ARSG: variants seen among roughly 807,000 people sequenced by gnomAD.
ARSG encodes the protein arylsulfatase G.
Under a neutral mutation model 50.5 loss-of-function variants are expected in ARSG, and 37 were observed. The observed-to-expected ratio is 0.73, with a 90% CI of 0.56 to 0.96. The LOEUF (loss-of-function observed/expected upper bound fraction) is 0.96, where lower values mean the gene tolerates loss of function less well. Ranked by LOEUF, ARSG falls within the 50% of genes least tolerant of loss-of-function variation. ARSG has a pLI of 0.00. For synonymous variants in ARSG, 225 were observed against 254.6 expected (o/e 0.88, Z 1.11); for missense variants, 629 against 675.3 (o/e 0.93, Z 0.76).
intron 8 of ARSG, among the ~76,000 whole-genome samples, chr17:68,377,702 C>T (rs1237075141): frequency 6.6e-6 from 1 of 152,190 alleles, no homozygotes; most frequent in Non-Finnish European, 1.5e-5. Flanking sequence ...TTGGCAAACA[C>T]CCTGAAAAAG....
intron 9 of ARSG, among the ~76,000 whole-genome samples, chr17:68,392,433 GTGT>G (rs1347774442): frequency 1.7e-4 from 26 of 152,260 alleles, no homozygotes; most frequent in African/African-American, 4.8e-4. Flanking sequence ...GACTAAGTGT[GTGT>G]TGTTCTCTCT....
the ARSG span, chr17:68,450,756 T>C: frequency 5.8e-5 from 94 of 1,613,210 alleles, no homozygotes; most frequent in Non-Finnish European, 7.4e-5. Flanking sequence ...GGACAAGATG[T>C]TGCTGGAGTA....
At position 68,314,192 on chromosome 17, in the gene ARSG, A is replaced by G. The variant is rs551777760; in HGVS notation, c.218+6481A>G. 5.7e-4 allele frequency among the ~76,000 whole-genome samples: 87 copies of G among 152,174 alleles called. 1 individual carries two copies. The highest frequency in any genetic ancestry group is 1.5e-3 in the South Asian group (7 of 4,810). On this transcript the variant is annotated intron_variant, in intron 2 of 11. Transcript: ENST00000621439. ...CTTTCCTCTTCTGTAAGTGGGGACAATGATAGCACCTCTACCTCACAGGAT... is the reference window on the plus strand; with the variant it reads ...CTTTCCTCTTCTGTAAGTGGGGACAGTGATAGCACCTCTACCTCACAGGAT...
the ARSG span, among the ~76,000 whole-genome samples, chr17:68,443,205 G>A: frequency 0.019 from 2,955 of 152,166 alleles, 107 homozygotes; most frequent in African/African-American, 0.067. Flanking sequence ...CCGCCTCCTG[G>A]GTTCAAGTAA....
intron 8 of ARSG, among the ~76,000 whole-genome samples, chr17:68,383,855 C>A (rs1259878493): frequency 6.6e-6 from 1 of 152,200 alleles, no homozygotes; most frequent in Non-Finnish European, 1.5e-5. Context: ...TTAGATTTTT[C>A]AACCCCACAC....
At chr17:68,412,259 C>T (rs1353766276) in intron 11 of ARSG, among the ~76,000 whole-genome samples, 74 of 151,402 alleles carry the variant, frequency 4.9e-4, no homozygotes, top group African/African-American at 1.6e-3. Context: ...TGGCTGGTAC[C>T]GGTTGTTCCT....
intron 2 of ARSG, among the ~76,000 whole-genome samples, chr17:68,313,669 A>G (rs750936888): frequency 1.5e-5 from 2 of 135,200 alleles, no homozygotes; most frequent in African/African-American, 2.7e-5. Context: ...TGTATTACGT[A>G]TCTCTCTCTC....
At chr17:68,296,108 TATTTAAATCACATTAC>T (rs2076197760) in intron 1 of ARSG, among the ~76,000 whole-genome samples, 1 of 152,128 alleles carries the variant, frequency 6.6e-6, no homozygotes, top group Non-Finnish European at 1.5e-5. Flanking sequence ...AGAACAAAAT[TATTTAAATCACATTAC>T]ATTTAGGAGT....
At chr17:68,281,197 CAG>C (rs1238007579) in intron 1 of ARSG, among the ~76,000 whole-genome samples, 3 of 151,504 alleles carry the variant, frequency 2.0e-5, no homozygotes, top group Admixed American at 6.6e-5. Context: ...ATTCATCTGA[CAG>C]GGGATTAATA....
At chr17:68,330,007 C>T (rs576420827) in intron 2 of ARSG, among the ~76,000 whole-genome samples, 8 of 151,806 alleles carry the variant, frequency 5.3e-5, no homozygotes, top group South Asian at 2.1e-4. Context: ...GTTGGGGGTT[C>T]GAGACCAGCC....
At chr17:68,356,900 G>GGTGTGTGT in intron 6 of ARSG, 96 bp downstream of exon 6, 1 of 1,503,474 alleles carries the variant, frequency 6.7e-7, no homozygotes, top group Non-Finnish European at 9.1e-7. Context: ...TTGAGGCCAT[G>GGTGTGTGT]GCAGAGTTTT....
At chr17:68,417,532 A>G (rs182939910) in intron 11 of ARSG, among the ~76,000 whole-genome samples, 115 of 151,984 alleles carry the variant, frequency 7.6e-4, no homozygotes, top group Middle Eastern at 3.4e-3. Context: ...AGACTTGTCC[A>G]CACTGAGCCT....
intron 2 of ARSG, among the ~76,000 whole-genome samples, chr17:68,331,876 T>C (rs1440512744): frequency 2.0e-5 from 3 of 152,114 alleles, no homozygotes; most frequent in Non-Finnish European, 2.9e-5. Context: ...GAATAGGGTG[T>C]GGGTCACAGA....
intron 11 of ARSG, among the ~76,000 whole-genome samples, chr17:68,405,461 T>C (rs774972253): frequency 1.3e-5 from 2 of 152,212 alleles, no homozygotes; most frequent in Non-Finnish European, 2.9e-5. Context: ...GAAGTTGTTT[T>C]CACAATTTCG....
intron 11 of ARSG, among the ~76,000 whole-genome samples, chr17:68,414,884 G>T (rs2082271544): frequency 6.6e-6 from 1 of 152,008 alleles, no homozygotes; most frequent in African/African-American, 2.4e-5. Context: ...AATATCTCCT[G>T]TTTTGTTTCT....
At chr17:68,421,882 T>G, downstream of ARSG, 1 of 1,606,170 alleles carries the variant, frequency 6.2e-7, no homozygotes, top group Non-Finnish European at 8.5e-7. Context: ...GGCAGGTGCA[T>G]TATCAACAGG....
At chr17:68,383,163 G>A (rs2080520289) in intron 8 of ARSG, among the ~76,000 whole-genome samples, 2 of 152,168 alleles carry the variant, frequency 1.3e-5, no homozygotes. Context: ...CTACAAGAGA[G>A]CAACACAAAA....
chr17:68,284,808 A>G (rs1430353967), intron 1 of ARSG, among the ~76,000 whole-genome samples: 6 of 152,198 alleles, frequency 3.9e-5, no homozygotes, highest in Non-Finnish European at 8.8e-5. Context: ...AATAAGGCAT[A>G]AGATGCTGTA....
chr17:68,313,797 G>T (rs2076962911), intron 2 of ARSG, among the ~76,000 whole-genome samples: 1 of 151,106 alleles, frequency 6.6e-6, no homozygotes, highest in Admixed American at 6.6e-5. Flanking sequence ...TCCTGCCTCG[G>T]CCTTCTGAGT....
Sources: gnomAD v4.1 joint callset for allele counts (sites outside exome capture counted in the v4.1 genomes callset) on GRCh38, gnomAD v4.1.1 for gene constraint, MANE v1.5 for transcripts, NCBI Gene and HGNC (gene_info 2026-07-23, HGNC 2026-07-21) for gene names.